FOXN3: variants seen among roughly 807,000 people sequenced by gnomAD.
FOXN3 encodes forkhead box protein N3.
FOXN3 carries 7 observed loss-of-function variants against 38.4 expected under a neutral mutation model. The observed-to-expected ratio is 0.18, with a 90% confidence interval of 0.10 to 0.34. The LOEUF is 0.34. Among genes scored for constraint, FOXN3 ranks in the 10% least tolerant of loss-of-function variants. The pLI, the probability that FOXN3 is intolerant of heterozygous loss-of-function variation, is 1.00. For synonymous variants in FOXN3, 230 were observed against 242.2 expected (o/e 0.95, Z 0.47); for missense variants, 456 against 613.4 (o/e 0.74, Z 2.71).
chr14:89,333,746 T>G (rs930271387), intron 3 of FOXN3, among the ~76,000 whole-genome samples: 8 of 42,294 alleles, frequency 1.9e-4, no homozygotes, highest in Non-Finnish European at 2.9e-4. Flanking sequence ...ACAGAGAGAC[T>G]ATTAAAAAAA....
At chr14:89,482,727 G>A (rs2139762530) in intron 1 of FOXN3, among the ~76,000 whole-genome samples, 1 of 151,024 alleles carries the variant, frequency 6.6e-6, no homozygotes, top group South Asian at 2.1e-4. Context: ...TGGCCAACAT[G>A]GTGAAACCCT....
At chr14:89,393,210 G>C (rs1213283320) in intron 2 of FOXN3, among the ~76,000 whole-genome samples, 1 of 152,030 alleles carries the variant, frequency 6.6e-6, no homozygotes, top group Non-Finnish European at 1.5e-5. Context: ...CAAAATGCTG[G>C]GATTACAGGC....
At chr14:89,240,982 C>T (rs1275075573) in intron 4 of FOXN3, among the ~76,000 whole-genome samples, 2 of 152,118 alleles carry the variant, frequency 1.3e-5, no homozygotes, top group African/African-American at 4.8e-5. Flanking sequence ...TCAATACTTG[C>T]CACCCACAAT....
rs1353846076 is a variant in FOXN3, at chr14:89,164,243, G to A, written c.852-1274C>T. Among the ~76,000 whole-genome samples the A allele has an allele frequency of 1.3e-5, 2 of 152,170 alleles. No individual in the cohort carries two copies. Among genetic ancestry groups the A allele is most frequent in the Non-Finnish European group, 2.9e-5 (2 of 68,026 alleles). On this transcript the variant is annotated intron_variant, in intron 5 of 5. Transcript: ENST00000557258. The surrounding 1 kb of genome is among the most constrained non-coding windows in gnomAD (Gnocchi z 4.3). ...GGATGAATACTTGCAGGAGAGGAGG[G>A]TCACTTGTAGCTGAAGGGGACGAAG... is the stretch of plus-strand genomic sequence containing the variant.
At chr14:89,179,710 G>A (rs1341671599) in intron 5 of FOXN3, among the ~76,000 whole-genome samples, 4 of 152,114 alleles carry the variant, frequency 2.6e-5, no homozygotes, top group East Asian at 1.9e-4. Context: ...GGGGCTAATC[G>A]GTTCACGGCA....
At chr14:89,193,197 C>T (rs993693147) in intron 4 of FOXN3, among the ~76,000 whole-genome samples, 1 of 151,938 alleles carries the variant, frequency 6.6e-6, no homozygotes, top group African/African-American at 2.4e-5. Context: ...GCAGGTGACT[C>T]GTACCCAAAG....
At chr14:89,325,349 C>CCA (rs2139978910) in intron 3 of FOXN3, among the ~76,000 whole-genome samples, 1 of 147,228 alleles carries the variant, frequency 6.8e-6, no homozygotes, top group African/African-American at 2.5e-5. Flanking sequence ...ACCACCACCA[C>CCA]CACCACCACC....
At chr14:89,180,921 G>GAACATGCATGGAGCAGAA (rs779715767) in intron 4 of FOXN3, 115 bp from the exon 5 acceptor site, 1 of 658,036 alleles carries the variant, frequency 1.5e-6, no homozygotes, top group Non-Finnish European at 2.6e-6. Context: ...AGAGGGCAGA[G>GAACATGCATGGAGCAGAA]ACAGAGAGAA....
intron 1 of FOXN3, among the ~76,000 whole-genome samples, chr14:89,553,642 G>A (rs1895055959): frequency 6.6e-6 from 1 of 151,986 alleles, no homozygotes; most frequent in African/African-American, 2.4e-5. Flanking sequence ...AATTCCCCCG[G>A]CAGCCCCACA....
At chr14:89,440,332 G>A (rs1443228613) in intron 1 of FOXN3, among the ~76,000 whole-genome samples, 2 of 152,108 alleles carry the variant, frequency 1.3e-5, no homozygotes, top group African/African-American at 4.8e-5. Context: ...TATCTCAAAC[G>A]CATGGAGCAG....
chr14:89,407,206 A>G lies in FOXN3; in HGVS notation c.543+4728T>C, dbSNP rs1252714162. Among the ~76,000 whole-genome samples, 3 of 152,172 alleles carry G rather than the reference A, an allele frequency of 2.0e-5. No individual in the cohort carries two copies. In the East Asian group the frequency reaches 5.8e-4, roughly 29 times the overall value. Reference sequence around the variant, plus strand: ...AGAGAAGCAAGTTACACGAAATCACAAGGAAGTAAACAGAATGCAAGTACT... The same window carrying G: ...AGAGAAGCAAGTTACACGAAATCACGAGGAAGTAAACAGAATGCAAGTACT... On this transcript the variant is annotated intron_variant, in intron 2 of 5. Transcript: ENST00000557258.
intron 2 of FOXN3, among the ~76,000 whole-genome samples, chr14:89,394,212 CTTTTTTTTTTT>C (rs35674375): frequency 3.6e-5 from 4 of 109,616 alleles, no homozygotes; most frequent in South Asian, 2.8e-4. Context: ...GATCGACGTT[CTTTTTTTTTTT>C]TTTTTTTTTT....
intron 2 of FOXN3, among the ~76,000 whole-genome samples, chr14:89,407,054 C>T (rs1252177400): frequency 6.6e-6 from 1 of 150,804 alleles, no homozygotes; most frequent in Non-Finnish European, 1.5e-5. Context: ...ACAGTGACCT[C>T]ATGTGAACCC....
chr14:89,460,647 A>G (rs1596282858), intron 1 of FOXN3, among the ~76,000 whole-genome samples: 1 of 138,404 alleles, frequency 7.2e-6, no homozygotes, highest in East Asian at 2.0e-4. Context: ...AGAGTTATCA[A>G]TCAATCAATC....
intron 1 of FOXN3, among the ~76,000 whole-genome samples, chr14:89,493,337 C>T (rs978335400): frequency 1.3e-5 from 2 of 152,142 alleles, no homozygotes; most frequent in African/African-American, 4.8e-5. Context: ...CATTGAAATC[C>T]ATTAACCTAA....
At chr14:89,488,921 A>G (rs1243397204) in intron 1 of FOXN3, among the ~76,000 whole-genome samples, 1 of 152,200 alleles carries the variant, frequency 6.6e-6, no homozygotes, top group Admixed American at 6.5e-5. Flanking sequence ...AGTCACCAAA[A>G]CAGTTAAATT....
In FOXN3 at chr14:89,325,356, C is replaced by CACCACCACCACT. The variant is rs1555418118; in HGVS notation, c.680+25315_680+25316insAGTGGTGGTGGT. Among the ~76,000 whole-genome samples the CACCACCACCACT allele has an allele frequency of 4.0e-4, 37 of 91,832 alleles. 1 individual carries two copies. Among genetic ancestry groups the CACCACCACCACT allele is most frequent in the African/African-American group, 7.2e-4 (20 of 27,906 alleles). 60.2% of individuals were successfully genotyped at this position (91,832 alleles called of 152,430 possible). ...CCACCACCACCACCACCACCACCAC[C>CACCACCACCACT]ACCACTACCACCACCGCCACCACCA... On this transcript the variant is annotated intron_variant, in intron 3 of 5. Coordinates refer to ENST00000557258, the MANE Select transcript of FOXN3 (RefSeq NM_005197.4).
chr14:89,389,205 C>T (rs533490310), intron 2 of FOXN3, among the ~76,000 whole-genome samples: 4 of 151,650 alleles, frequency 2.6e-5, no homozygotes, highest in East Asian at 3.9e-4. Flanking sequence ...TTCCTGCAAA[C>T]GAATTTGGAA....
upstream of FOXN3, among the ~76,000 whole-genome samples, chr14:89,418,058 T>C (rs188016454): frequency 4.3e-3 from 657 of 152,214 alleles, 1 homozygote; most frequent in Non-Finnish European, 7.8e-3. Context: ...CACCTCCAAA[T>C]AATAGCACCC....
Sources: gnomAD v4.1 joint callset for allele counts (sites outside exome capture counted in the v4.1 genomes callset) on GRCh38, gnomAD v4.1.1 for gene constraint, Gnocchi (gnomAD v3.1) non-coding constraint, MANE v1.5 for transcripts, NCBI Gene and HGNC (gene_info 2026-07-23, HGNC 2026-07-21) for gene names.